DIAPH1: variants seen among roughly 807,000 people sequenced by gnomAD.
The protein encoded by DIAPH1 is diaphanous related formin 1.
In DIAPH1, 46 loss-of-function variants were observed where a neutral mutation model predicts 140.7. That is an observed-to-expected ratio of 0.33 (90% CI 0.26 to 0.42). The LOEUF (loss-of-function observed/expected upper bound fraction) is 0.42. DIAPH1 is among the 10% of genes least tolerant of loss of function. The pLI, the probability that DIAPH1 is intolerant of heterozygous loss-of-function variation, is 1.00. For missense variants in DIAPH1, 1,310 were observed against 1,558.7 expected (o/e 0.84, Z 2.69); for synonymous variants, 565 against 551.6 (o/e 1.02, Z -0.34).
intron 19 of DIAPH1, among the ~76,000 whole-genome samples, chr5:141,533,467 T>G (rs910374622): frequency 6.6e-6 from 1 of 152,296 alleles, no homozygotes; most frequent in Non-Finnish European, 1.5e-5. Context: ...CTGATCCTAC[T>G]CTGAGAAGTA....
chr5:141,541,006 G>C (rs907685041), intron 18 of DIAPH1, among the ~76,000 whole-genome samples: 1 of 152,110 alleles, frequency 6.6e-6, no homozygotes, highest in African/African-American at 2.4e-5. Flanking sequence ...GTTGCAATGA[G>C]CTGAGATCAT....
At chr5:141,532,179 G>GT (rs375556814) in intron 19 of DIAPH1, among the ~76,000 whole-genome samples, 1,691 of 145,938 alleles carry the variant, frequency 0.012, 26 homozygotes, top group African/African-American at 0.038. Context: ...TAATTTTTTG[G>GT]TTTTTTTTTT....
intron 1 of DIAPH1, among the ~76,000 whole-genome samples, chr5:141,613,053 C>T (rs1167540662): frequency 3.9e-5 from 6 of 152,264 alleles, no homozygotes; most frequent in Admixed American, 3.3e-4. Flanking sequence ...GAAAATTATA[C>T]AGGACACCAT....
At chr5:141,529,038 G>C (rs2099887822) in intron 21 of DIAPH1, 97 bp from the exon 22 acceptor site, 4 of 1,590,036 alleles carry the variant, frequency 2.5e-6, no homozygotes, top group East Asian at 4.5e-5. Flanking sequence ...CACAGCTCCA[G>C]AGCAGGGAGA....
intron 18 of DIAPH1, among the ~76,000 whole-genome samples, chr5:141,540,167 A>T (rs1400910711): frequency 1.3e-5 from 2 of 151,824 alleles, no homozygotes; most frequent in Non-Finnish European, 2.9e-5. Context: ...CCCAGGCTAG[A>T]GCGCAGTGAC....
intron 18 of DIAPH1, chr5:141,564,662 A>C (rs756851843): frequency 1.3e-5 from 2 of 152,250 alleles, no homozygotes; most frequent in Non-Finnish European, 2.9e-5. Context: ...GAGTAAGAGA[A>C]TGAAACTCAG....
chr5:141,546,779 G>A (rs2099890865), intron 18 of DIAPH1, among the ~76,000 whole-genome samples: 1 of 152,248 alleles, frequency 6.6e-6, no homozygotes, highest in Non-Finnish European at 1.5e-5. Context: ...TCTAGGAACA[G>A]GGTGAAAGAG....
intron 5 of DIAPH1, 37 bp from the exon 6 acceptor site, chr5:141,583,329 C>T: frequency 6.2e-7 from 1 of 1,607,198 alleles, no homozygotes. Context: ...AATATCAAAC[C>T]AATAAATACT....
intron 27 of DIAPH1, chr5:141,519,108 T>C: frequency 2.0e-6 from 2 of 1,006,792 alleles, no homozygotes; most frequent in Admixed American, 2.0e-5. Context: ...AAACCATTTA[T>C]TGGATTATGA....
chr5:141,523,077 C>A (rs1021913487), intron 27 of DIAPH1, among the ~76,000 whole-genome samples: 11 of 152,208 alleles, frequency 7.2e-5, no homozygotes, highest in Non-Finnish European at 1.6e-4. Context: ...GTGGCAGGTA[C>A]TACAGGCCCT....
At chr5:141,552,434 G>GT (rs2099891839) in intron 18 of DIAPH1, among the ~76,000 whole-genome samples, 1 of 152,182 alleles carries the variant, frequency 6.6e-6, no homozygotes, top group Non-Finnish European at 1.5e-5. Flanking sequence ...GTCAGAGAAA[G>GT]AGATTTGAAG....
intron 1 of DIAPH1, among the ~76,000 whole-genome samples, chr5:141,602,302 C>T (rs1259680234): frequency 2.2e-4 from 34 of 152,160 alleles, no homozygotes; most frequent in Non-Finnish European, 3.7e-4. Flanking sequence ...CTGCAAGCTA[C>T]GCCCCTGCGT....
intron 1 of DIAPH1, among the ~76,000 whole-genome samples, chr5:141,610,823 C>A (rs970499294): frequency 6.6e-6 from 1 of 151,610 alleles, no homozygotes; most frequent in Admixed American, 6.6e-5. Flanking sequence ...TGCCTTAATG[C>A]CAGCACTTTG....
In DIAPH1 at chr5:141,571,972, A is replaced by G. The variant is rs372347802; in HGVS notation, c.2427T>C (p.Asn809=). The change falls in exon 17 of 28, where the codon AAT becomes AAC. Residue 809 remains asparagine, a synonymous_variant. Coordinates refer to ENST00000389054, the MANE Select transcript of DIAPH1 (RefSeq NM_005219.5). ...TAAGGGTAAGTTTGGCGAAAAGTTC[A>G]TTGTTCTCAAAGCGGTCCTCCTTCA... The part of the protein sequence containing the change: ...TKVKEDRFEN[N]ELFAKLTLTF... 1.7e-5 allele frequency: 28 copies of G among 1,614,068 alleles called. 1 individual carries two copies. Among genetic ancestry groups the G allele is most frequent in the Middle Eastern group, 3.3e-4 (2 of 6,084 alleles).
At chr5:141,557,616 G>A (rs1012206698) in intron 18 of DIAPH1, 2 of 151,938 alleles carry the variant, frequency 1.3e-5, no homozygotes, top group Non-Finnish European at 2.9e-5. Context: ...TAAGAAAACT[G>A]CCCTAAACAT....
intron 1 of DIAPH1, among the ~76,000 whole-genome samples, chr5:141,606,392 TTTTA>T (rs1055444205): frequency 2.0e-5 from 3 of 152,124 alleles, no homozygotes; most frequent in African/African-American, 4.8e-5. Context: ...CTGCTTTCAT[TTTTA>T]TTTATTTATT....
chr5:141,577,197 A>G (rs911864606), intron 12 of DIAPH1, among the ~76,000 whole-genome samples: 1 of 152,202 alleles, frequency 6.6e-6, no homozygotes, highest in African/African-American at 2.4e-5. Context: ...AGAATTTTAA[A>G]TTGCCACTTC....
At position 141,574,853 on chromosome 5, in the gene DIAPH1, T is replaced by C. The variant is rs926213366; in HGVS notation, c.1641+114A>G. ...ATTTTTAAAATATGCACCATGTAACTAGATTACCTATTAGTAGCTGAACCC... is the reference window on the plus strand; with the variant it reads ...ATTTTTAAAATATGCACCATGTAACCAGATTACCTATTAGTAGCTGAACCC... On this transcript the variant is annotated intron_variant, in intron 15 of 27. Transcript: ENST00000389054. 5.2e-5 allele frequency: 59 copies of C among 1,132,024 alleles called. No homozygotes were observed. In the African/African-American group the frequency reaches 8.7e-4, roughly 17 times the overall value. The allele number at this position is 1,132,024 out of a possible 1,614,324, so 70.1% of individuals were successfully genotyped here.
chr5:141,575,167 G>C (rs781500981), intron 14 of DIAPH1, 21 bp from the exon 15 acceptor site: 1 of 1,613,594 alleles, frequency 6.2e-7, no homozygotes, highest in Non-Finnish European at 8.5e-7. Context: ...AACGAATCAG[G>C]CTCCCAGCAA....
Sources: allele counts gnomAD v4.1 joint callset (sites outside exome capture counted in the v4.1 genomes callset), GRCh38; gene constraint gnomAD v4.1.1; transcripts MANE v1.5; gene names NCBI Gene and HGNC (gene_info 2026-07-23, HGNC 2026-07-21).